Variants in CAST observed in about 807,000 individuals in gnomAD.
CAST encodes the protein calpastatin.
In CAST, 76 loss-of-function variants were observed where a neutral mutation model predicts 119.6. That is an observed-to-expected ratio of 0.64 (90% CI 0.53 to 0.77). The LOEUF (loss-of-function observed/expected upper bound fraction) is 0.77. Among genes scored for constraint, CAST ranks in the 30% least tolerant of loss-of-function variants. The probability of loss-of-function intolerance (pLI) is 0.00; values close to 1 mark genes in which losing one functional copy is unlikely to be tolerated. For missense variants in CAST, 953 were observed against 946.5 expected (o/e 1.01, Z -0.09); for synonymous variants, 319 against 331.6 (o/e 0.96, Z 0.41).
the CAST span, among the ~76,000 whole-genome samples, chr5:96,430,801 ATAAATATAGATGGTTTT>A: frequency 6.6e-6 from 1 of 152,204 alleles, no homozygotes; most frequent in South Asian, 2.1e-4. Context: ...TAAATCATAT[ATAAATATAGATGGTTTT>A]CCCCCACTAT....
the CAST span, among the ~76,000 whole-genome samples, chr5:96,209,815 G>T: frequency 1.3e-5 from 2 of 151,530 alleles, no homozygotes; most frequent in Non-Finnish European, 2.9e-5. Context: ...CTTGGGGGTG[G>T]TTGTCTTGTA....
intron 1 of CAST, among the ~76,000 whole-genome samples, chr5:96,629,681 C>T (rs759806874): frequency 1.3e-5 from 2 of 152,218 alleles, no homozygotes; most frequent in African/African-American, 4.8e-5. Flanking sequence ...TCCTTCCAAT[C>T]TCATTCTTTA....
chr5:96,026,780 T>G, the CAST span, among the ~76,000 whole-genome samples: 2 of 152,228 alleles, frequency 1.3e-5, no homozygotes, highest in Non-Finnish European at 2.9e-5. Context: ...GTGCTAAACA[T>G]CCATTTTCTT....
At chr5:96,231,975 G>T in the CAST span, among the ~76,000 whole-genome samples, 3 of 152,022 alleles carry the variant, frequency 2.0e-5, no homozygotes, top group African/African-American at 7.2e-5. Context: ...GGGCTGGACT[G>T]GGGAGAAAGG....
At chr5:96,111,880 C>T in the CAST span, among the ~76,000 whole-genome samples, 2 of 152,046 alleles carry the variant, frequency 1.3e-5, no homozygotes, top group South Asian at 4.1e-4. Flanking sequence ...CTCCTGACCT[C>T]AAGCAGTCCT....
intron 1 of CAST, among the ~76,000 whole-genome samples, chr5:96,556,842 C>T (rs9763120): frequency 0.51 from 77,789 of 151,264 alleles, 20,149 homozygotes; most frequent in Admixed American, 0.55. Flanking sequence ...ACATTCAAAT[C>T]CAGGAAATAC....
At chr5:96,301,691 A>G in the CAST span, among the ~76,000 whole-genome samples, 1 of 152,330 alleles carries the variant, frequency 6.6e-6, no homozygotes, top group South Asian at 2.1e-4. Context: ...TTAAAGCTCC[A>G]AAATCATCTC....
the CAST span, among the ~76,000 whole-genome samples, chr5:96,450,726 T>G: frequency 6.6e-6 from 1 of 152,226 alleles, no homozygotes; most frequent in African/African-American, 2.4e-5. Flanking sequence ...GTTGAGAAGT[T>G]CATGACTATC....
intron 3 of CAST, among the ~76,000 whole-genome samples, chr5:96,719,422 A>G (rs1213108678): frequency 2.6e-5 from 4 of 152,188 alleles, no homozygotes; most frequent in Non-Finnish European, 4.4e-5. Context: ...CGGCCTCCCG[A>G]GGTGCTGGGA....
At chr5:96,497,799 C>A in the CAST span, among the ~76,000 whole-genome samples, 1 of 152,162 alleles carries the variant, frequency 6.6e-6, no homozygotes, top group African/African-American at 2.4e-5. Flanking sequence ...AATTTTCTCC[C>A]CTTCTGCAGG....
intron 1 of CAST, among the ~76,000 whole-genome samples, chr5:96,549,875 T>G (rs2150181861): frequency 6.6e-6 from 1 of 152,300 alleles, no homozygotes; most frequent in South Asian, 2.1e-4. Flanking sequence ...GGCAGTTCTA[T>G]CCTCACAATG....
At chr5:96,507,096 A>G in the CAST span, among the ~76,000 whole-genome samples, 1 of 152,116 alleles carries the variant, frequency 6.6e-6, no homozygotes, top group Admixed American at 6.6e-5. Context: ...GAGAAACCAG[A>G]GCCCTCGGGG....
At chr5:96,219,135 T>A in the CAST span, among the ~76,000 whole-genome samples, 1 of 152,188 alleles carries the variant, frequency 6.6e-6, no homozygotes, top group African/African-American at 2.4e-5. Flanking sequence ...TCATGGCCCA[T>A]GTGGTGAATT....
chr5:96,095,406 A>G, the CAST span, among the ~76,000 whole-genome samples: 1 of 151,632 alleles, frequency 6.6e-6, no homozygotes, highest in South Asian at 2.1e-4. Flanking sequence ...CCCTGTTTCT[A>G]TAAGAAAAAA....
At chr5:95,977,339 G>A in the CAST span, among the ~76,000 whole-genome samples, 1 of 152,194 alleles carries the variant, frequency 6.6e-6, no homozygotes, top group African/African-American at 2.4e-5. Flanking sequence ...ATTTTGTAAG[G>A]TCTCTAATCC....
chr5:96,039,618 A>G, the CAST span, among the ~76,000 whole-genome samples: 1 of 152,288 alleles, frequency 6.6e-6, no homozygotes, highest in East Asian at 1.9e-4. Flanking sequence ...AACACCATTT[A>G]TTAAACAGGG....
chr5:96,493,436 G>A, the CAST span, among the ~76,000 whole-genome samples: 2 of 152,162 alleles, frequency 1.3e-5, no homozygotes, highest in Non-Finnish European at 2.9e-5. Context: ...ATAAGGAAAA[G>A]TGGCTCAGCT....
chr5:96,497,795 C>T, the CAST span, among the ~76,000 whole-genome samples: 1 of 152,156 alleles, frequency 6.6e-6, no homozygotes, highest in Admixed American at 6.5e-5. Flanking sequence ...CAAAAATTTT[C>T]TCCCCTTCTG....
intron 2 of CAST, among the ~76,000 whole-genome samples, chr5:96,676,872 G>C (rs1446953646): frequency 6.6e-6 from 1 of 151,858 alleles, no homozygotes; most frequent in Non-Finnish European, 1.5e-5. Flanking sequence ...GGCCAACATA[G>C]TGAAACCCCT....
Sources: allele counts gnomAD v4.1 joint callset (sites outside exome capture counted in the v4.1 genomes callset), GRCh38; gene constraint gnomAD v4.1.1; transcripts MANE v1.5; gene names NCBI Gene and HGNC (gene_info 2026-07-23, HGNC 2026-07-21).